Variants in MYO10 observed in about 807,000 individuals in gnomAD.
The protein encoded by MYO10 is unconventional myosin-X.
In MYO10, 133 loss-of-function variants were observed where a neutral mutation model predicts 257.3. That is an observed-to-expected ratio of 0.52 (90% CI 0.45 to 0.60). The LOEUF (loss-of-function observed/expected upper bound fraction) is 0.60, where lower values mean the gene tolerates loss of function less well. Ranked by LOEUF, MYO10 falls within the 20% of genes least tolerant of loss-of-function variation. The pLI, the probability that MYO10 is intolerant of heterozygous loss-of-function variation, is 0.00. For missense variants in MYO10, 2,399 were observed against 2,635.7 expected (o/e 0.91, Z 1.97); for synonymous variants, 1,104 against 1,028.6 (o/e 1.07, Z -1.40).
At chr5:16,794,292 G>A (rs1444697299) in intron 4 of MYO10, among the ~76,000 whole-genome samples, 1 of 146,538 alleles carries the variant, frequency 6.8e-6, no homozygotes, top group Admixed American at 7.0e-5. Context: ...AAATTTGAAA[G>A]AACTATGCAA....
chr5:16,904,796 G>A (rs10059594), intron 1 of MYO10, among the ~76,000 whole-genome samples: 35,263 of 151,962 alleles, frequency 0.23, 4,782 homozygotes, highest in African/African-American at 0.38. Context: ...GGGCGTGGTA[G>A]CGGGCACCTG....
intron 2 of MYO10, among the ~76,000 whole-genome samples, chr5:16,868,397 G>C (rs989421154): frequency 6.6e-6 from 1 of 152,162 alleles, no homozygotes; most frequent in African/African-American, 2.4e-5. Flanking sequence ...AAGGTCAGGA[G>C]ATCAAGACCA....
At chr5:16,723,226 T>C (rs558037649) in intron 19 of MYO10, among the ~76,000 whole-genome samples, 1 of 149,040 alleles carries the variant, frequency 6.7e-6, no homozygotes, top group East Asian at 2.0e-4. Context: ...CTACTAAAAA[T>C]ACAAAAAAAA....
At chr5:16,852,302 T>C (rs1354515594) in intron 2 of MYO10, among the ~76,000 whole-genome samples, 3 of 151,714 alleles carry the variant, frequency 2.0e-5, no homozygotes, top group Non-Finnish European at 4.4e-5. Context: ...TGACATTTAT[T>C]ATTGCTGTCA....
rs1468855899 is a variant in MYO10, at chr5:16,817,581, A to G, written c.279+428T>C. ...AAGTTATCACCCTAGGGTGGGCTTC[A>G]GAGCCAGAAAAATGACTGAAAATCC... On this transcript the variant is annotated intron_variant, in intron 3 of 40. Transcript: ENST00000513610. Among the ~76,000 whole-genome samples, 4 of 152,322 alleles carry G rather than the reference A, an allele frequency of 2.6e-5. No homozygotes were observed. In the South Asian group the frequency reaches 6.2e-4, roughly 24 times the overall value.
At chr5:16,924,112 T>C (rs542095566) in intron 1 of MYO10, among the ~76,000 whole-genome samples, 1 of 152,190 alleles carries the variant, frequency 6.6e-6, no homozygotes, top group East Asian at 1.9e-4. Flanking sequence ...TAAAACTCCA[T>C]ACAAATAATT....
At chr5:16,837,731 C>T (rs901831269) in intron 2 of MYO10, among the ~76,000 whole-genome samples, 11 of 152,070 alleles carry the variant, frequency 7.2e-5, no homozygotes, top group African/African-American at 2.7e-4. Context: ...GGTGCCTTTC[C>T]CTCACTGGCA....
chr5:16,779,365 T>G (rs1741331544), intron 9 of MYO10, among the ~76,000 whole-genome samples, 180 bp downstream of exon 9: 1 of 152,086 alleles, frequency 6.6e-6, no homozygotes, highest in Non-Finnish European at 1.5e-5. Context: ...CCTTTCAGCC[T>G]AGAACTTGGA....
intron 2 of MYO10, among the ~76,000 whole-genome samples, chr5:16,865,969 T>C (rs1369384481): frequency 2.0e-5 from 3 of 150,152 alleles, no homozygotes; most frequent in African/African-American, 7.4e-5. Flanking sequence ...ACATTTAAAA[T>C]TGTTAAAATT....
intron 2 of MYO10, among the ~76,000 whole-genome samples, chr5:16,871,679 ACTT>A: frequency 1.3e-5 from 2 of 152,232 alleles, no homozygotes; most frequent in Middle Eastern, 6.8e-3. Context: ...CAGTTAAAGA[ACTT>A]CTCCTAATGC....
chr5:16,676,053 C>T lies in MYO10; in HGVS notation c.4644G>A (p.Pro1548=), dbSNP rs145346708. ...TACAGTTGAGATTTATGTCCCCATA[C>T]GGAAGGGGCAGGAGCGGGGAGTGCA... ...HPLHSPLLPL[P]YGDINLNLLK... The change falls in exon 34 of 41, where the codon CCG becomes CCA. Residue 1548 remains proline, a synonymous_variant. Coordinates refer to ENST00000513610, the MANE Select transcript of MYO10 (RefSeq NM_012334.3). 4.8e-5 allele frequency: 77 copies of T among 1,610,004 alleles called. No homozygotes were observed. The African/African-American group carries it at 8.8e-4, about 18-fold the overall frequency.
rs747241037 is a variant in MYO10, at chr5:16,701,612, C to T, written c.2783G>A (p.Arg928His). ...KLQERRDQEL[R>H]RLEEEACRAA... is the part of the protein sequence containing the mutation. ...CCTGCACGCTTCCTCCTCCAGCCTG[C>T]GGAGCTCCTGGTCCCGCCGCTCCTG... Residue 928 changes from arginine to histidine, a missense_variant, in exon 25 of 41, where the codon CGC (arginine) becomes CAC (histidine). By Grantham distance (29) the Arg-to-His change is conservative (BLOSUM62 0). Around this residue, in one of 3 missense-constraint regions of MYO10, gnomAD observed 1,820 missense variants for 1,939.4 expected, o/e 0.94. Coordinates refer to ENST00000513610, the MANE Select transcript of MYO10 (RefSeq NM_012334.3). The surrounding 1 kb of genome is among the most constrained non-coding windows in gnomAD (Gnocchi z 8.1). 9 of 1,612,044 alleles carry T rather than the reference C, an allele frequency of 5.6e-6. No homozygotes were observed. The highest frequency in any genetic ancestry group is 1.7e-5 in the Admixed American group (1 of 59,632).
At chr5:16,768,664 C>CTTTTTTTTT (rs34950225) in intron 10 of MYO10, among the ~76,000 whole-genome samples, 1,208 of 70,012 alleles carry the variant, frequency 0.017, 19 homozygotes, top group East Asian at 0.023. Context: ...TTTCTCTTTT[C>CTTTTTTTTT]TTTTTTTTTT....
chr5:16,681,199 T>G, intron 32 of MYO10, 110 bp downstream of exon 32: 2 of 1,217,620 alleles, frequency 1.6e-6, no homozygotes, highest in South Asian at 3.1e-5. Flanking sequence ...GAGGACAACT[T>G]CTTTGGGGGG....
At chr5:16,870,125 C>T (rs1014389597) in intron 2 of MYO10, among the ~76,000 whole-genome samples, 2 of 151,256 alleles carry the variant, frequency 1.3e-5, no homozygotes, top group African/African-American at 4.9e-5. Context: ...TTTTAATTCA[C>T]CTGAGAATTA....
intron 1 of MYO10, among the ~76,000 whole-genome samples, chr5:16,919,612 G>A (rs1561059575): frequency 1.3e-5 from 2 of 152,162 alleles, no homozygotes; most frequent in Non-Finnish European, 2.9e-5. Flanking sequence ...ATTAATACAT[G>A]TAAAAAGCTC....
intron 33 of MYO10, among the ~76,000 whole-genome samples, chr5:16,677,985 T>C (rs1288583594): frequency 6.6e-6 from 1 of 151,866 alleles, no homozygotes; most frequent in African/African-American, 2.4e-5. Context: ...GGTCTCAAAC[T>C]CCTGACCTCA....
chr5:16,802,542 A>C (rs1742150742), intron 3 of MYO10, among the ~76,000 whole-genome samples: 2 of 151,478 alleles, frequency 1.3e-5, no homozygotes, highest in African/African-American at 2.4e-5. Context: ...CTGTAGTCCC[A>C]GCTACTCAGG....
At chr5:16,836,137 T>C (rs1743305445) in intron 2 of MYO10, among the ~76,000 whole-genome samples, 1 of 152,210 alleles carries the variant, frequency 6.6e-6, no homozygotes. Flanking sequence ...TCCTCACTCC[T>C]TGCCTAACTT....
Sources: allele counts gnomAD v4.1 joint callset (sites outside exome capture counted in the v4.1 genomes callset), GRCh38; gene constraint gnomAD v4.1.1; regional missense constraint gnomAD v4.1.1; non-coding constraint Gnocchi (gnomAD v3.1); transcripts MANE v1.5; gene names NCBI Gene and HGNC (gene_info 2026-07-23, HGNC 2026-07-21).